The following PDK1 variants were observed in gnomAD, a reference collection of about 807,000 sequenced individuals.
PDK1 encodes pyruvate dehydrogenase kinase 1, also known as [Pyruvate dehydrogenase (acetyl-transferring)] kinase isozyme 1, mitochondrial.
PDK1 carries 39 observed loss-of-function variants against 54.2 expected under a neutral mutation model. The ratio of observed to expected loss-of-function variants is 0.72; its 90% CI spans 0.56 to 0.94. PDK1 has a LOEUF of 0.94. Ranked by LOEUF, PDK1 falls within the 40% of genes least tolerant of loss-of-function variation. The pLI, the probability that PDK1 is intolerant of heterozygous loss-of-function variation, is 0.00. For synonymous variants in PDK1, 221 were observed against 207.1 expected (o/e 1.07, Z -0.58); for missense variants, 552 against 566.0 (o/e 0.98, Z 0.25).
chr2:172,617,925 C>T, the PDK1 span, among the ~76,000 whole-genome samples: 1 of 152,148 alleles, frequency 6.6e-6, no homozygotes, highest in Non-Finnish European at 1.5e-5. Context: ...GAAAACTATT[C>T]GGCAATAACC....
chr2:172,665,437 A>G, the PDK1 span, among the ~76,000 whole-genome samples: 3 of 151,858 alleles, frequency 2.0e-5, no homozygotes, highest in Non-Finnish European at 4.4e-5. Flanking sequence ...AGGACTTATT[A>G]TTCTCTTTCT....
chr2:172,641,795 T>C, the PDK1 span, among the ~76,000 whole-genome samples: 1 of 152,084 alleles, frequency 6.6e-6, no homozygotes. Context: ...GAGGAAAAAT[T>C]AGAGTAATAT....
chr2:172,674,276 G>T, the PDK1 span: 1 of 152,360 alleles, frequency 6.6e-6, no homozygotes, highest in Non-Finnish European at 1.5e-5. Flanking sequence ...CCTGCACTCC[G>T]CAGTCCACGC....
the PDK1 span, among the ~76,000 whole-genome samples, chr2:172,646,735 C>CATTTT: frequency 8.3e-5 from 6 of 72,060 alleles, no homozygotes; most frequent in African/African-American, 2.6e-4. Flanking sequence ...CTTGCATTTC[C>CATTTT]TTTTTTTTTT....
At chr2:172,645,259 G>GTTTTTTTTT in the PDK1 span, among the ~76,000 whole-genome samples, 4 of 38,738 alleles carry the variant, frequency 1.0e-4, no homozygotes, top group East Asian at 0.011. Flanking sequence ...TACAAAATAG[G>GTTTTTTTTT]CTTTTTTTTT....
At position 172,603,279 on chromosome 2, in the gene PDK1, A is replaced by G. The variant is rs1377488644; in HGVS notation, c.*7310A>G. On this transcript the variant is annotated 3_prime_UTR_variant, in exon 11 of 11. Coordinates refer to ENST00000282077, the MANE Select transcript of PDK1 (RefSeq NM_002610.5). ...TGGTAATCTGATTCTTAGAGTACTT[A>G]AAAAAGATAAGAAGGATCTATTCCT... 2 of 152,220 alleles carry G rather than the reference A, an allele frequency of 1.3e-5. No individual in the cohort carries two copies. Among genetic ancestry groups the G allele is most frequent in the African/African-American group, 4.8e-5 (2 of 41,458 alleles). 9.4% of individuals were successfully genotyped at this position (152,220 alleles called of 1,614,324 possible).
At chr2:172,708,079 A>C in the PDK1 span, among the ~76,000 whole-genome samples, 1 of 152,086 alleles carries the variant, frequency 6.6e-6, no homozygotes, top group East Asian at 1.9e-4. Flanking sequence ...AGGTGAGTAG[A>C]TTGCTTGAGT....
intron 8 of PDK1, among the ~76,000 whole-genome samples, chr2:172,580,298 T>C (rs1022577918): frequency 6.6e-6 from 1 of 151,372 alleles, no homozygotes. Context: ...TAGTTGTGTG[T>C]CAGCTACTTT....
the PDK1 span, among the ~76,000 whole-genome samples, chr2:172,711,561 G>GGCTGTC: frequency 6.6e-6 from 1 of 152,102 alleles, no homozygotes; most frequent in African/African-American, 2.4e-5. Context: ...ATTTATAGAA[G>GGCTGTC]GCTGTCAAGA....
the PDK1 span, among the ~76,000 whole-genome samples, chr2:172,665,973 G>A: frequency 6.6e-6 from 1 of 152,198 alleles, no homozygotes; most frequent in African/African-American, 2.4e-5. Flanking sequence ...AGGTAAGGAT[G>A]ATGGAACAGA....
chr2:172,589,724 G>T (rs1445908847), intron 9 of PDK1, among the ~76,000 whole-genome samples: 1 of 152,204 alleles, frequency 6.6e-6, no homozygotes, highest in Non-Finnish European at 1.5e-5. Flanking sequence ...ATAGCACTCT[G>T]ATTCTTGAGT....
chr2:172,628,738 G>GT, the PDK1 span, among the ~76,000 whole-genome samples: 3 of 151,956 alleles, frequency 2.0e-5, no homozygotes, highest in Non-Finnish European at 4.4e-5. Flanking sequence ...ATTTCTGACT[G>GT]TAACAGAGTA....
chr2:172,568,942 A>G, intron 7 of PDK1, 125 bp downstream of exon 7: 1 of 645,700 alleles, frequency 1.5e-6, no homozygotes, highest in Non-Finnish European at 2.8e-6. Flanking sequence ...GTATCATATC[A>G]CATTGCTGGA....
At chr2:172,646,877 A>T in the PDK1 span, among the ~76,000 whole-genome samples, 1 of 151,766 alleles carries the variant, frequency 6.6e-6, no homozygotes, top group East Asian at 1.9e-4. Context: ...AGCTGGGATT[A>T]TAGGCATGTG....
upstream of PDK1, chr2:172,556,065 C>G (rs972857705): frequency 3.8e-6 from 4 of 1,061,968 alleles, no homozygotes; most frequent in African/African-American, 1.7e-5. Context: ...CCCGCCCCTG[C>G]TGCCCGCCAC....
chr2:172,585,074 A>G (rs933547813), intron 8 of PDK1, among the ~76,000 whole-genome samples: 18 of 151,630 alleles, frequency 1.2e-4, no homozygotes, highest in African/African-American at 3.9e-4. Flanking sequence ...ATACCTCACT[A>G]TAGCCTCCAC....
At chr2:172,577,576 C>A (rs1157389377) in intron 8 of PDK1, among the ~76,000 whole-genome samples, 1 of 151,860 alleles carries the variant, frequency 6.6e-6, no homozygotes, top group Non-Finnish European at 1.5e-5. Flanking sequence ...TAATTTCGTT[C>A]TTGTTTTTGT....
intron 8 of PDK1, among the ~76,000 whole-genome samples, chr2:172,575,954 G>A (rs1297367439): frequency 1.3e-5 from 2 of 152,122 alleles, no homozygotes; most frequent in African/African-American, 4.8e-5. Context: ...TTGAGACAGA[G>A]TCTTGCTCTG....
chr2:172,697,849 T>C, the PDK1 span, among the ~76,000 whole-genome samples: 12 of 152,318 alleles, frequency 7.9e-5, no homozygotes, highest in African/African-American at 2.6e-4. Context: ...ACCACAGCTA[T>C]AGTTTTAGCA....
Sources: allele counts gnomAD v4.1 joint callset (sites outside exome capture counted in the v4.1 genomes callset), GRCh38; gene constraint gnomAD v4.1.1; transcripts MANE v1.5; gene names NCBI Gene and HGNC (gene_info 2026-07-23, HGNC 2026-07-21).